MYO1D: variants seen among roughly 807,000 people sequenced by gnomAD.
The protein encoded by MYO1D is myosin ID, also known as unconventional myosin-Id.
Under a neutral mutation model 122.0 loss-of-function variants are expected in MYO1D, and 83 were observed. That is an observed-to-expected ratio of 0.68 (90% CI 0.57 to 0.82). The LOEUF is 0.82. MYO1D is among the 40% of genes least tolerant of loss of function. The pLI is 0.00. For missense variants in MYO1D, 1,157 were observed against 1,269.5 expected (o/e 0.91, Z 1.35); for synonymous variants, 464 against 446.9 (o/e 1.04, Z -0.48).
chr17:32,697,550 G>A (rs2089188423), intron 16 of MYO1D, among the ~76,000 whole-genome samples: 1 of 151,504 alleles, frequency 6.6e-6, no homozygotes, highest in East Asian at 1.9e-4. Context: ...TGGTCGCTTT[G>A]TAAATGCACC....
At chr17:32,771,347 G>T in intron 5 of MYO1D, 127 bp from the exon 6 acceptor site, 1 of 614,974 alleles carries the variant, frequency 1.6e-6, no homozygotes, top group Non-Finnish European at 2.7e-6. Flanking sequence ...TTCTAGCTTT[G>T]AAGTTTTGCT....
intron 1 of MYO1D, among the ~76,000 whole-genome samples, chr17:32,795,280 G>A (rs1202289892): frequency 6.6e-6 from 1 of 152,166 alleles, no homozygotes; most frequent in African/African-American, 2.4e-5. Context: ...CAGATCATCA[G>A]CAGTGGAGAG....
intron 1 of MYO1D, among the ~76,000 whole-genome samples, chr17:32,850,314 A>G (rs571012630): frequency 6.6e-6 from 1 of 152,338 alleles, no homozygotes; most frequent in African/African-American, 2.4e-5. Flanking sequence ...AACTATGTGA[A>G]GTTTTAAAAA....
intron 17 of MYO1D, chr17:32,658,463 C>T (rs2088508317): frequency 6.6e-6 from 1 of 152,104 alleles, no homozygotes; most frequent in South Asian, 2.1e-4. Flanking sequence ...GGAGAAAGGA[C>T]TTGGAATAAC....
chr17:32,794,327 T>C (rs2151038390), intron 1 of MYO1D: 1 of 152,274 alleles, frequency 6.6e-6, no homozygotes, highest in South Asian at 2.1e-4. Context: ...AACCAGAAGA[T>C]GTGGTCAGGA....
intron 21 of MYO1D, among the ~76,000 whole-genome samples, chr17:32,602,272 C>T (rs751516267): frequency 6.6e-6 from 1 of 152,162 alleles, no homozygotes; most frequent in African/African-American, 2.4e-5. Context: ...AGGGATGATT[C>T]TCCCCCTCAT....
At chr17:32,713,143 T>C (rs1044591025) in intron 15 of MYO1D, among the ~76,000 whole-genome samples, 5 of 152,226 alleles carry the variant, frequency 3.3e-5, no homozygotes, top group Non-Finnish European at 7.3e-5. Flanking sequence ...TATAGAGTAA[T>C]GCATTTATGT....
At chr17:32,869,773 AAAAAAAAAAATTAG>A (rs1383185555) in intron 1 of MYO1D, among the ~76,000 whole-genome samples, 1 of 148,566 alleles carries the variant, frequency 6.7e-6, no homozygotes, top group Non-Finnish European at 1.5e-5. Context: ...TTCCCAAATA[AAAAAAAAAAATTAG>A]CCAGGCTTGG....
chr17:32,641,334 A>G (rs1392983658), intron 19 of MYO1D, among the ~76,000 whole-genome samples: 2 of 151,784 alleles, frequency 1.3e-5, no homozygotes, highest in East Asian at 3.9e-4. Flanking sequence ...CCAGTCTATC[A>G]TTGTTGGACA....
chr17:32,600,954 T>C lies in MYO1D; in HGVS notation c.2864+4133A>G, dbSNP rs976501540. 1.7e-3 allele frequency among the ~76,000 whole-genome samples: 211 copies of C among 123,590 alleles called. 1 individual carries two copies. The highest frequency in any genetic ancestry group is 8.6e-4 in the Non-Finnish European group (48 of 55,510). 81.1% of individuals were successfully genotyped at this position (123,590 alleles called of 152,430 possible). ...ATCATTTCTAGCTTTTTCTTTTCCC[T>C]TTTTTTTTTTTTTTTGAGACAAGGT... On this transcript the variant is annotated intron_variant, in intron 21 of 21. Transcript: ENST00000318217.
intron 21 of MYO1D, among the ~76,000 whole-genome samples, chr17:32,551,457 G>GA (rs2150884389): frequency 6.6e-6 from 1 of 152,240 alleles, no homozygotes; most frequent in South Asian, 2.1e-4. Context: ...CACCTTGTCT[G>GA]AATCACAGGA....
intron 21 of MYO1D, among the ~76,000 whole-genome samples, chr17:32,541,928 C>A (rs768827648): frequency 1.4e-4 from 22 of 152,188 alleles, no homozygotes; most frequent in Non-Finnish European, 2.9e-4. Context: ...GTAATACTCT[C>A]TTTTCCTCCC....
At chr17:32,588,079 T>C (rs963171344) in intron 21 of MYO1D, among the ~76,000 whole-genome samples, 10 of 152,214 alleles carry the variant, frequency 6.6e-5, no homozygotes, top group Non-Finnish European at 1.3e-4. Context: ...GCAAATTTGA[T>C]AGAAGAAAGC....
At chr17:32,517,895 A>G (rs565246560) in intron 21 of MYO1D, among the ~76,000 whole-genome samples, 2 of 152,362 alleles carry the variant, frequency 1.3e-5, no homozygotes, top group South Asian at 2.1e-4. Context: ...CAAGGGTCAC[A>G]GAGCTCAGAG....
intron 16 of MYO1D, among the ~76,000 whole-genome samples, chr17:32,703,442 C>T (rs2089271232): frequency 6.6e-6 from 1 of 150,926 alleles, no homozygotes; most frequent in South Asian, 2.1e-4. Flanking sequence ...ATTTTGATCC[C>T]TTTTGCTTGT....
intron 1 of MYO1D, among the ~76,000 whole-genome samples, chr17:32,805,498 T>C (rs896680305): frequency 6.6e-6 from 1 of 152,192 alleles, no homozygotes; most frequent in Non-Finnish European, 1.5e-5. Flanking sequence ...AAAGAGATTG[T>C]ACTAGCTGTT....
rs138563144 is a variant in MYO1D at position 32,654,487 on chromosome 17, T to C, written c.2480A>G (p.Tyr827Cys). 8 of 1,612,312 alleles carry C rather than the reference T, an allele frequency of 5.0e-6. No individual in the cohort carries two copies. Among genetic ancestry groups the C allele is most frequent in the African/African-American group, 1.3e-5 (1 of 74,832 alleles). ...LGLQRAWEGNYLASKPDTPQT... is the reference protein window; with the variant it reads ...LGLQRAWEGNCLASKPDTPQT... Reference sequence around the variant, plus strand: ...TTCCCTTGGACTTACTGAAGCAAGATAGTTGCCCTCCCAGGCCCTCTGGAG... The same window carrying C: ...TTCCCTTGGACTTACTGAAGCAAGACAGTTGCCCTCCCAGGCCCTCTGGAG... Residue 827 changes from tyrosine to cysteine, a missense_variant, in exon 18 of 22, where the codon TAT becomes TGT. Transcript: ENST00000318217.
intron 1 of MYO1D, among the ~76,000 whole-genome samples, chr17:32,788,041 G>T (rs770337461): frequency 1.6e-4 from 24 of 152,004 alleles, no homozygotes; most frequent in Non-Finnish European, 2.9e-4. Context: ...ATTGCAAATT[G>T]TACTGCTATA....
At chr17:32,507,194 A>C (rs548111699) in intron 21 of MYO1D, among the ~76,000 whole-genome samples, 4 of 152,026 alleles carry the variant, frequency 2.6e-5, no homozygotes, top group Non-Finnish European at 5.9e-5. Context: ...TGAGCCCAGA[A>C]GTTCAAGACC....
Sources: allele counts gnomAD v4.1 joint callset (sites outside exome capture counted in the v4.1 genomes callset), GRCh38; gene constraint gnomAD v4.1.1; transcripts MANE v1.5; gene names NCBI Gene and HGNC (gene_info 2026-07-23, HGNC 2026-07-21).